The following OR1J2 variants were observed in gnomAD, a reference collection of about 807,000 sequenced individuals.
The protein encoded by OR1J2 is olfactory receptor 1J2.
For missense variants in OR1J2, 304 were observed against 246.1 expected (o/e 1.24, Z -1.57); for synonymous variants, 142 against 99.7 (o/e 1.42, Z -2.52).
the OR1J2 span, among the ~76,000 whole-genome samples, chr9:122,538,007 C>T: frequency 6.6e-6 from 1 of 152,158 alleles, no homozygotes; most frequent in Non-Finnish European, 1.5e-5. Context: ...TTGAGTTACT[C>T]CATATTGCTT....
the OR1J2 span, among the ~76,000 whole-genome samples, chr9:122,550,402 A>G: frequency 6.6e-6 from 1 of 152,170 alleles, no homozygotes; most frequent in South Asian, 2.1e-4. Flanking sequence ...CATTCTACAA[A>G]GCAGGTATCA....
chr9:122,512,046 A>G (rs1225931129), downstream of OR1J2, among the ~76,000 whole-genome samples: 2 of 152,234 alleles, frequency 1.3e-5, no homozygotes, highest in African/African-American at 4.8e-5. Context: ...GTTTGGAGAC[A>G]TATATATTTT....
the OR1J2 span, among the ~76,000 whole-genome samples, chr9:122,497,737 G>A: frequency 6.6e-6 from 1 of 151,950 alleles, no homozygotes; most frequent in African/African-American, 2.4e-5. Context: ...TGTTTTTCTA[G>A]TTCCTCTAAG....
chr9:122,523,391 T>TGGCTG, the OR1J2 span, among the ~76,000 whole-genome samples: 1 of 152,106 alleles, frequency 6.6e-6, no homozygotes, highest in Non-Finnish European at 1.5e-5. Context: ...TGGGCACCAT[T>TGGCTG]GGCTGGGGTG....
At chr9:122,503,701 A>T in the OR1J2 span, among the ~76,000 whole-genome samples, 1 of 152,134 alleles carries the variant, frequency 6.6e-6, no homozygotes, top group African/African-American at 2.4e-5. Context: ...CTATCTCTGA[A>T]CTTCCACTCT....
chr9:122,482,915 G>C, the OR1J2 span, among the ~76,000 whole-genome samples: 5 of 152,156 alleles, frequency 3.3e-5, no homozygotes, highest in African/African-American at 4.8e-5. Context: ...GTTACAGTTA[G>C]ATAAGAGAAA....
the OR1J2 span, chr9:122,477,204 A>G: frequency 1.2e-6 from 2 of 1,614,104 alleles, no homozygotes; most frequent in Non-Finnish European, 8.5e-7. Flanking sequence ...GGTGGGATCC[A>G]CAAGTGGACA....
chr9:122,544,739 CT>C, the OR1J2 span, among the ~76,000 whole-genome samples: 1 of 151,934 alleles, frequency 6.6e-6, no homozygotes, highest in Non-Finnish European at 1.5e-5. Flanking sequence ...GACAACCTTG[CT>C]TTCTCTTTCT....
chr9:122,552,586 C>T, the OR1J2 span, among the ~76,000 whole-genome samples: 1 of 151,962 alleles, frequency 6.6e-6, no homozygotes, highest in Non-Finnish European at 1.5e-5. Context: ...GAGTACGACA[C>T]CAGACACCTA....
At chr9:122,483,641 G>C in the OR1J2 span, among the ~76,000 whole-genome samples, 3 of 152,168 alleles carry the variant, frequency 2.0e-5, no homozygotes, top group Non-Finnish European at 4.4e-5. Flanking sequence ...TAGAAAAGGA[G>C]AAAGCAAAGG....
the OR1J2 span, among the ~76,000 whole-genome samples, chr9:122,554,450 C>T: frequency 1.4e-4 from 22 of 152,122 alleles, no homozygotes; most frequent in Non-Finnish European, 2.8e-4. Context: ...GTGAACAAGG[C>T]ATTTGTTATG....
At chr9:122,513,534 T>TA (rs1236725362), downstream of OR1J2, among the ~76,000 whole-genome samples, 1 of 151,946 alleles carries the variant, frequency 6.6e-6, no homozygotes. Flanking sequence ...GCATTTTTTT[T>TA]TTTTATTTTA....
At chr9:122,544,811 A>T in the OR1J2 span, among the ~76,000 whole-genome samples, 317 of 152,220 alleles carry the variant, frequency 2.1e-3, 1 homozygote, top group Non-Finnish European at 3.1e-3. Context: ...CAAAAGGCCA[A>T]CTTTGGCTTT....
the OR1J2 span, among the ~76,000 whole-genome samples, chr9:122,560,617 T>C: frequency 5.3e-5 from 8 of 152,204 alleles, no homozygotes; most frequent in African/African-American, 1.7e-4. Flanking sequence ...AAATTCTGCG[T>C]TGAAAATTCT....
chr9:122,566,679 A>G, the OR1J2 span, among the ~76,000 whole-genome samples: 1 of 152,194 alleles, frequency 6.6e-6, no homozygotes, highest in East Asian at 1.9e-4. Flanking sequence ...ATCTTTGGAG[A>G]TTATATATAC....
At chr9:122,501,094 C>G in the OR1J2 span, among the ~76,000 whole-genome samples, 1 of 152,080 alleles carries the variant, frequency 6.6e-6, no homozygotes, top group Non-Finnish European at 1.5e-5. Flanking sequence ...CCTGCACATG[C>G]TCCAAAATGT....
At chr9:122,547,963 T>C in the OR1J2 span, among the ~76,000 whole-genome samples, 1 of 152,198 alleles carries the variant, frequency 6.6e-6, no homozygotes, top group East Asian at 1.9e-4. Flanking sequence ...TATTATTTTT[T>C]GACTTTTACA....
chr9:122,576,979 A>T, the OR1J2 span: 1 of 152,166 alleles, frequency 6.6e-6, no homozygotes, highest in South Asian at 2.1e-4. Context: ...AGATCCATAC[A>T]TGTTGGACCA....
At chr9:122,562,295 C>T in the OR1J2 span, among the ~76,000 whole-genome samples, 16 of 152,248 alleles carry the variant, frequency 1.1e-4, no homozygotes, top group East Asian at 5.8e-4. Context: ...CTGCCCCTCC[C>T]GCAGGGAGCT....
Sources: allele counts gnomAD v4.1 joint callset (sites outside exome capture counted in the v4.1 genomes callset), GRCh38; gene constraint gnomAD v4.1.1; transcripts MANE v1.5; gene names NCBI Gene and HGNC (gene_info 2026-07-23, HGNC 2026-07-21).